The following RAB38 variants were observed in gnomAD, a reference collection of about 807,000 sequenced individuals.
RAB38 encodes RAB38, member RAS oncogene family.
RAB38 carries 15 observed loss-of-function variants against 18.4 expected under a neutral mutation model. The observed-to-expected ratio is 0.82, with a 90% CI of 0.55 to 1.26. RAB38 has a LOEUF of 1.26. RAB38 is among the 50% of genes most tolerant of loss of function. The pLI is 0.00. For synonymous variants in RAB38, 101 were observed against 104.4 expected, an observed-to-expected ratio of 0.97 and a Z score of 0.20; for missense variants, 294 against 267.4, an observed-to-expected ratio of 1.10 and a Z score of -0.69.
the RAB38 span, among the ~76,000 whole-genome samples, chr11:87,914,743 G>C: frequency 6.6e-6 from 1 of 152,162 alleles, no homozygotes; most frequent in Non-Finnish European, 1.5e-5. Context: ...TGATAAAATA[G>C]TTTTAGAGGA....
intron 1 of RAB38, among the ~76,000 whole-genome samples, chr11:88,156,258 G>T (rs1943123807): frequency 6.6e-6 from 1 of 152,066 alleles, no homozygotes; most frequent in Non-Finnish European, 1.5e-5. Context: ...CTAAAGAAAA[G>T]AATCTTAAAG....
At chr11:87,924,224 T>C in the RAB38 span, among the ~76,000 whole-genome samples, 1 of 152,010 alleles carries the variant, frequency 6.6e-6, no homozygotes, top group South Asian at 2.1e-4. Context: ...AATCTGTATT[T>C]GAACTCAAAA....
the RAB38 span, among the ~76,000 whole-genome samples, chr11:87,853,135 G>A: frequency 5.6e-4 from 86 of 152,272 alleles, no homozygotes; most frequent in African/African-American, 1.9e-3. Flanking sequence ...GGTCAGCGAC[G>A]TCTGGAAAGG....
At chr11:87,806,752 TTGTTTA>T in the RAB38 span, among the ~76,000 whole-genome samples, 1 of 152,250 alleles carries the variant, frequency 6.6e-6, no homozygotes, top group African/African-American at 2.4e-5. Flanking sequence ...AAGTATTTTA[TTGTTTA>T]TTAATCAATG....
chr11:88,128,573 A>G (rs1942732547), intron 2 of RAB38, among the ~76,000 whole-genome samples: 2 of 152,300 alleles, frequency 1.3e-5, no homozygotes, highest in Admixed American at 6.5e-5. Flanking sequence ...AAATAAAATT[A>G]ATCTCTCAAA....
At chr11:87,845,339 AC>A in the RAB38 span, among the ~76,000 whole-genome samples, 78 of 152,290 alleles carry the variant, frequency 5.1e-4, no homozygotes, top group East Asian at 0.014. Context: ...AACATCAAAA[AC>A]AAAAGCCTCA....
chr11:87,819,076 C>T, the RAB38 span, among the ~76,000 whole-genome samples: 1 of 152,318 alleles, frequency 6.6e-6, no homozygotes, highest in Admixed American at 6.5e-5. Context: ...ACTGTGTTTG[C>T]CAATTCAGGT....
the RAB38 span, among the ~76,000 whole-genome samples, chr11:87,900,037 G>A: frequency 3.3e-5 from 5 of 151,404 alleles, no homozygotes; most frequent in South Asian, 8.3e-4. Flanking sequence ...ACGAGACACT[G>A]ACGGGCATGC....
chr11:88,138,129 G>A (rs563651226), intron 2 of RAB38, among the ~76,000 whole-genome samples: 1 of 152,088 alleles, frequency 6.6e-6, no homozygotes, highest in South Asian at 2.1e-4. Flanking sequence ...ACAGTCCCAG[G>A]ATTACAGCCG....
At chr11:88,051,890 G>A in the RAB38 span, among the ~76,000 whole-genome samples, 4 of 152,214 alleles carry the variant, frequency 2.6e-5, no homozygotes, top group East Asian at 1.9e-4. Context: ...TTCGGAGGCC[G>A]AGGCTGGTAG....
At chr11:87,805,286 G>A in the RAB38 span, among the ~76,000 whole-genome samples, 1 of 151,908 alleles carries the variant, frequency 6.6e-6, no homozygotes, top group African/African-American at 2.4e-5. Flanking sequence ...GGACATCTAT[G>A]TTTATACACA....
At chr11:88,132,498 G>A (rs1942777825) in intron 2 of RAB38, among the ~76,000 whole-genome samples, 1 of 152,060 alleles carries the variant, frequency 6.6e-6, no homozygotes, top group Non-Finnish European at 1.5e-5. Flanking sequence ...ACTCTTGTTG[G>A]CCAGGCTGGA....
chr11:88,029,438 T>C, the RAB38 span, among the ~76,000 whole-genome samples: 2 of 151,932 alleles, frequency 1.3e-5, no homozygotes, highest in East Asian at 3.9e-4. Flanking sequence ...GACTGGCAAA[T>C]TGGATAAAGA....
At chr11:87,811,316 A>G in the RAB38 span, among the ~76,000 whole-genome samples, 1 of 152,308 alleles carries the variant, frequency 6.6e-6, no homozygotes, top group Non-Finnish European at 1.5e-5. Context: ...GTAGCTGTGG[A>G]TCATCAAGAG....
chr11:88,143,857 G>A lies in RAB38; in HGVS notation c.483+5818C>T, dbSNP rs370102257. ...TCCTATTATACAGTATCTTAGTCAC[G>A]GGTGGATCTCAGATTGTCTAGTAAA... On this transcript the variant is annotated intron_variant, in intron 2 of 2. Coordinates refer to ENST00000243662, the MANE Select transcript of RAB38 (RefSeq NM_022337.3). 1.7e-4 allele frequency among the ~76,000 whole-genome samples: 26 copies of A among 152,218 alleles called. No homozygotes were observed. The East Asian group carries it at 3.7e-3, about 21-fold the overall frequency.
the RAB38 span, among the ~76,000 whole-genome samples, chr11:87,974,770 G>T: frequency 1.3e-5 from 2 of 151,096 alleles, no homozygotes; most frequent in Admixed American, 1.3e-4. Flanking sequence ...ATAAATTACA[G>T]CTGTCTCAAA....
At chr11:87,946,792 G>C in the RAB38 span, among the ~76,000 whole-genome samples, 2 of 152,270 alleles carry the variant, frequency 1.3e-5, no homozygotes, top group East Asian at 3.9e-4. Flanking sequence ...GGCTATCATT[G>C]TTGGACATTT....
the RAB38 span, among the ~76,000 whole-genome samples, chr11:87,949,577 G>T: frequency 5.9e-5 from 9 of 152,072 alleles, no homozygotes; most frequent in Admixed American, 5.9e-4. Flanking sequence ...CCCAGAGATT[G>T]TGGTATGTTG....
chr11:87,847,170 T>C, the RAB38 span, among the ~76,000 whole-genome samples: 3 of 152,090 alleles, frequency 2.0e-5, no homozygotes, highest in East Asian at 1.9e-4. Flanking sequence ...CCAGAAATCA[T>C]TGATATTGAA....
Sources: gnomAD v4.1 joint callset for allele counts (sites outside exome capture counted in the v4.1 genomes callset) on GRCh38, gnomAD v4.1.1 for gene constraint, MANE v1.5 for transcripts, NCBI Gene and HGNC (gene_info 2026-07-23, HGNC 2026-07-21) for gene names.